Variants in ZNF713 observed in about 807,000 individuals in gnomAD.
ZNF713 encodes the protein zinc finger protein 713.
Under a neutral mutation model 28.7 loss-of-function variants are expected in ZNF713, and 21 were observed. The observed-to-expected ratio is 0.73, with a 90% CI of 0.52 to 1.05. ZNF713 has a LOEUF of 1.05. ZNF713 is among the 50% of genes least tolerant of loss of function. The probability of loss-of-function intolerance (pLI) is 0.00; values close to 1 mark genes in which losing one functional copy is unlikely to be tolerated. For missense variants in ZNF713, 458 were observed against 532.4 expected, an observed-to-expected ratio of 0.86 and a Z score of 1.37; for synonymous variants, 167 against 178.0, an observed-to-expected ratio of 0.94 and a Z score of 0.49.
intron 6 of ZNF713, among the ~76,000 whole-genome samples, chr7:55,928,944 C>A (rs1445959909): frequency 2.3e-5 from 3 of 129,488 alleles, no homozygotes; most frequent in Admixed American, 8.6e-5. Flanking sequence ...CCAGCCTGGG[C>A]AACAGGTTGA....
At chr7:55,908,855 A>G (rs10245725) in intron 2 of ZNF713, among the ~76,000 whole-genome samples, 43,566 of 151,892 alleles carry the variant, frequency 0.29, 6,650 homozygotes, top group Middle Eastern at 0.38. Flanking sequence ...TTATAGTTTC[A>G]GGTCTTATGC....
intron 4 of ZNF713, among the ~76,000 whole-genome samples, chr7:55,919,850 TCTCTAC>T: frequency 6.6e-6 from 1 of 151,866 alleles, no homozygotes; most frequent in Non-Finnish European, 1.5e-5. Flanking sequence ...TCTCTCCTAC[TCTCTAC>T]CTCAAGTGTA....
Position 55,923,200 on chromosome 7 carries a change from CAG to C in ZNF713, c.131_132del (p.Glu44GlyfsTer33). The C allele has an allele frequency of 6.2e-7, 1 of 1,613,370 alleles. No homozygotes were observed. On this transcript the variant is annotated frameshift_variant, in exon 5 of 7. Coordinates refer to ENST00000429591, the MANE Select transcript of ZNF713 (RefSeq NM_182633.3). LOFTEE classifies it high-confidence loss of function. ...TFQDVAVDFT[R>X]EEWDQLYPAQ... is the part of the protein sequence containing the mutation. Reference sequence around the variant, plus strand: ...TTCAGGATGTGGCCGTGGACTTCACCAGAGAGGAGTGGGACCAGCTGTACCCT... The same window carrying C: ...TTCAGGATGTGGCCGTGGACTTCACCAGAGGAGTGGGACCAGCTGTACCCT...
chr7:55,918,107 G>GT (rs1270855103), intron 4 of ZNF713: 1 of 456,666 alleles, frequency 2.2e-6, no homozygotes, highest in Non-Finnish European at 4.4e-6. Context: ...GCAAAGCTTT[G>GT]TGACTTTCAA....
chr7:55,914,849 A>G (rs562977875), intron 4 of ZNF713, among the ~76,000 whole-genome samples: 47 of 151,932 alleles, frequency 3.1e-4, no homozygotes, highest in African/African-American at 1.1e-3. Context: ...CATTTGGTTT[A>G]TTTTATTTTA....
rs60114393 is a variant in ZNF713 at position 55,891,010 on chromosome 7, GA to G, written c.-583+3339del. ...GACTCTGTCTCAAAAAAAAAAAAAA[GA>G]AAAAAAAATTAAGGAGTGTGCCTAC... On this transcript the variant is annotated intron_variant, in intron 1 of 6. Coordinates refer to ENST00000429591, the MANE Select transcript of ZNF713 (RefSeq NM_182633.3). Among the ~76,000 whole-genome samples, 1,319 of 142,428 alleles carry G rather than the reference GA, an allele frequency of 9.3e-3. 18 individuals carry two copies. Among genetic ancestry groups the G allele is most frequent in the African/African-American group, 0.031 (1,208 of 38,374 alleles). The allele number at this position is 142,428 out of a possible 152,430, so 93.4% of individuals were successfully genotyped here.
intron 6 of ZNF713, among the ~76,000 whole-genome samples, chr7:55,927,915 A>AAAAG (rs1786133229): frequency 6.8e-6 from 1 of 148,020 alleles, no homozygotes. Context: ...AAAAAAAAAA[A>AAAAG]AAAAAGCCAC....
At position 55,905,332 on chromosome 7, in the gene ZNF713, CTA is replaced by C. The variant is rs980297173; in HGVS notation, c.-582-919_-582-918del. ...GAGCTCTCTGGTGGAACCTGGATGT[CTA>C]TGTATTTATATCTGTGTATTTTAAA... On this transcript the variant is annotated intron_variant, in intron 1 of 6. Coordinates refer to ENST00000429591, the MANE Select transcript of ZNF713 (RefSeq NM_182633.3). Among the ~76,000 whole-genome samples the C allele has an allele frequency of 1.6e-4, 24 of 152,186 alleles. 1 individual carries two copies. The highest frequency in any genetic ancestry group is 4.8e-4 in the African/African-American group (20 of 41,526).
intron 6 of ZNF713, among the ~76,000 whole-genome samples, chr7:55,933,412 C>G (rs1485587932): frequency 1.3e-5 from 2 of 151,728 alleles, no homozygotes; most frequent in African/African-American, 4.8e-5. Context: ...TCTCCTGCCT[C>G]AGCCTCCCGA....
At chr7:55,910,790 C>G (rs1031709152) in intron 2 of ZNF713, among the ~76,000 whole-genome samples, 2 of 152,236 alleles carry the variant, frequency 1.3e-5, no homozygotes, top group Admixed American at 1.3e-4. Context: ...GCCACCGTGC[C>G]TGGCTCCACT....
At chr7:55,924,906 G>A (rs1786067723) in intron 6 of ZNF713, 1 of 151,640 alleles carries the variant, frequency 6.6e-6, no homozygotes, top group Non-Finnish European at 1.5e-5. Context: ...TTATATTTTT[G>A]TTTATTAGTG....
At chr7:55,902,891 G>A (rs977096471) in intron 1 of ZNF713, among the ~76,000 whole-genome samples, 4 of 150,990 alleles carry the variant, frequency 2.6e-5, no homozygotes, top group African/African-American at 9.8e-5. Context: ...TACTTGGAAG[G>A]CTGAGGCAGG....
Position 55,887,628 on chromosome 7 carries a change from G to T in ZNF713, c.-635G>T, listed in dbSNP as rs1010608030. 34 of 145,666 alleles carry T rather than the reference G, an allele frequency of 2.3e-4. No homozygotes were observed. Among genetic ancestry groups the T allele is most frequent in the Non-Finnish European group, 3.8e-4 (30 of 79,028 alleles). 9.0% of individuals were successfully genotyped at this position (145,666 alleles called of 1,614,324 possible). The stretch of plus-strand genomic sequence containing the variant: ...GGCGGCGGCGGCGGCGGCGGCGGCG[G>T]CGGCGGCGGCGTCAGGGGGCGGAGC... On this transcript the variant is annotated 5_prime_UTR_variant, in exon 1 of 7. Transcript: ENST00000429591.
chr7:55,889,100 A>G (rs1303500183), intron 1 of ZNF713, among the ~76,000 whole-genome samples: 1 of 130,110 alleles, frequency 7.7e-6, no homozygotes, highest in Non-Finnish European at 1.5e-5. Flanking sequence ...CTTTCATATA[A>G]TGATTTTTTT....
At chr7:55,898,886 T>G (rs1381548666) in intron 1 of ZNF713, among the ~76,000 whole-genome samples, 1 of 152,134 alleles carries the variant, frequency 6.6e-6, no homozygotes, top group Non-Finnish European at 1.5e-5. Context: ...TTGATGGATA[T>G]GCAGATTAAA....
rs1037612422 is a variant in ZNF713 at position 55,889,593 on chromosome 7, C to T, written c.-583+1913C>T. 7.9e-5 allele frequency among the ~76,000 whole-genome samples: 12 copies of T among 152,294 alleles called. No homozygotes were observed. In the East Asian group the frequency reaches 2.1e-3, roughly 27 times the overall value. On this transcript the variant is annotated intron_variant, in intron 1 of 6. Coordinates refer to ENST00000429591, the MANE Select transcript of ZNF713 (RefSeq NM_182633.3). ...TTGCTGAAAACTTGCGGCTCCCTGC[C>T]GCCATCAGGAAAATGTTCTAGTTCC... is the stretch of plus-strand genomic sequence containing the variant.
intron 1 of ZNF713, among the ~76,000 whole-genome samples, chr7:55,896,667 A>G (rs900630867): frequency 6.6e-6 from 1 of 151,718 alleles, no homozygotes. Context: ...TAGTGTGTAT[A>G]TATATATAAA....
At chr7:55,916,966 G>A (rs1313329027) in intron 4 of ZNF713, among the ~76,000 whole-genome samples, 6 of 152,146 alleles carry the variant, frequency 3.9e-5, no homozygotes, top group Non-Finnish European at 5.9e-5. Context: ...TGTAATCCCA[G>A]CACTTTGGGA....
At position 55,913,479 on chromosome 7, in the gene ZNF713, G is replaced by T. The variant is rs949139093; in HGVS notation, c.87+756G>T. 2.0e-5 allele frequency among the ~76,000 whole-genome samples: 3 copies of T among 152,040 alleles called. No individual in the cohort carries two copies. In the South Asian group the frequency reaches 6.2e-4, roughly 32 times the overall value. Reference sequence around the variant, plus strand: ...GCCTCCCAAAGTGCTGGGATTACAGGTGTGAGCCACCACGCCCGGCCTAAG... The same window carrying T: ...GCCTCCCAAAGTGCTGGGATTACAGTTGTGAGCCACCACGCCCGGCCTAAG... On this transcript the variant is annotated intron_variant, in intron 4 of 6. Transcript: ENST00000429591.
Sources: gnomAD v4.1 joint callset for allele counts (sites outside exome capture counted in the v4.1 genomes callset) on GRCh38, gnomAD v4.1.1 for gene constraint, MANE v1.5 for transcripts, NCBI Gene and HGNC (gene_info 2026-07-23, HGNC 2026-07-21) for gene names.